Variants in COL4A6 observed in about 807,000 individuals in gnomAD.
COL4A6 encodes the protein collagen type IV alpha 6 chain, also known as collagen alpha-6(IV) chain.
In COL4A6, 59 loss-of-function variants were observed where a neutral mutation model predicts 126.7. The observed-to-expected ratio is 0.47, with a 90% CI of 0.38 to 0.58. The LOEUF (loss-of-function observed/expected upper bound fraction) is 0.58. Ranked by LOEUF, COL4A6 falls within the 20% of genes least tolerant of loss-of-function variation. The pLI is 0.00. For missense variants in COL4A6, 1,285 were observed against 1,337.3 expected, an observed-to-expected ratio of 0.96 and a Z score of 0.61; for synonymous variants, 547 against 496.6, an observed-to-expected ratio of 1.10 and a Z score of -1.35.
chrX:108,312,180 C>T (rs1373839060), intron 2 of COL4A6, among the ~76,000 whole-genome samples: 1 of 111,912 alleles, frequency 8.9e-6, no homozygotes, highest in Non-Finnish European at 1.9e-5. Flanking sequence ...ATGAGCTGAC[C>T]TCACACTTAA....
At chrX:108,390,680 T>C (rs745395944) in intron 2 of COL4A6, among the ~76,000 whole-genome samples, 9 of 110,520 alleles carry the variant, frequency 8.1e-5, no homozygotes, top group African/African-American at 2.6e-4. Context: ...AGAACATGCA[T>C]CTTTAGCTCG....
intron 3 of COL4A6, among the ~76,000 whole-genome samples, chrX:108,273,689 G>A (rs371275926): frequency 8.9e-6 from 1 of 112,006 alleles, no homozygotes; most frequent in South Asian, 3.7e-4. Context: ...TAGGGACATG[G>A]ATGAAGCTGG....
At chrX:108,172,717 C>T (rs2034353061) in intron 31 of COL4A6, among the ~76,000 whole-genome samples, 185 bp from the exon 32 acceptor site, 1 of 111,613 alleles carries the variant, frequency 9.0e-6, no homozygotes, top group African/African-American at 3.3e-5. Context: ...GAACAAAGGG[C>T]AGAGCACATA....
At chrX:108,368,714 T>C (rs2040258601) in intron 2 of COL4A6, among the ~76,000 whole-genome samples, 1 of 112,333 alleles carries the variant, frequency 8.9e-6, no homozygotes, top group African/African-American at 3.2e-5. Flanking sequence ...TATATTATTC[T>C]ATAAGTTTTT....
chrX:108,225,444 C>T (rs1252574871), intron 3 of COL4A6, among the ~76,000 whole-genome samples: 2 of 112,663 alleles, frequency 1.8e-5, no homozygotes, highest in African/African-American at 6.5e-5. Flanking sequence ...TCCTCCAAGT[C>T]TTTCCAATGA....
intron 9 of COL4A6, 127 bp from the exon 10 acceptor site, chrX:108,205,822 C>G (rs2035531178): frequency 1.8e-6 from 1 of 542,175 alleles, no homozygotes; most frequent in Non-Finnish European, 3.0e-6. Flanking sequence ...TAGATTCTAG[C>G]TGTCTTTCCT....
intron 5 of COL4A6, 31 bp from the exon 6 acceptor site, chrX:108,214,259 A>G (rs896462589): frequency 1.9e-6 from 2 of 1,049,483 alleles, no homozygotes; most frequent in African/African-American, 3.7e-5. Flanking sequence ...GGATCAAGTT[A>G]GCCAAAGGAC....
chrX:108,343,416 T>C (rs2039633403), intron 2 of COL4A6, among the ~76,000 whole-genome samples: 1 of 110,184 alleles, frequency 9.1e-6, no homozygotes. Context: ...TTTGGTTGGA[T>C]GGAATGTTTA....
intron 2 of COL4A6, among the ~76,000 whole-genome samples, chrX:108,333,586 GA>G (rs1025001326): frequency 3.6e-5 from 4 of 110,743 alleles, no homozygotes; most frequent in African/African-American, 1.3e-4. Flanking sequence ...GCAATAGAAG[GA>G]AAAAAAGGCA....
intron 3 of COL4A6, among the ~76,000 whole-genome samples, chrX:108,225,534 G>T (rs2036145867): frequency 8.9e-6 from 1 of 112,504 alleles, no homozygotes; most frequent in Non-Finnish European, 1.9e-5. Flanking sequence ...TGGGACTTGT[G>T]CTTAAGGCCA....
At chrX:108,159,855 C>T (rs767922171) in intron 43 of COL4A6, 107 bp from the exon 44 acceptor site, 1 of 834,519 alleles carries the variant, frequency 1.2e-6, no homozygotes, top group East Asian at 3.1e-5. Flanking sequence ...CTGAGGCAGC[C>T]CTCTCCTTCC....
intron 2 of COL4A6, among the ~76,000 whole-genome samples, chrX:108,403,666 G>T (rs2041143854): frequency 9.0e-6 from 1 of 110,798 alleles, no homozygotes; most frequent in Non-Finnish European, 1.9e-5. Flanking sequence ...GTCTCTTTTT[G>T]TTTGATAGCT....
At chrX:108,300,664 G>A (rs1424175590) in intron 3 of COL4A6, among the ~76,000 whole-genome samples, 1 of 107,781 alleles carries the variant, frequency 9.3e-6, no homozygotes, top group Non-Finnish European at 1.9e-5. Flanking sequence ...TCCATTTGAG[G>A]TTTCGTGATT....
At chrX:108,367,032 C>A (rs770232546) in intron 2 of COL4A6, among the ~76,000 whole-genome samples, 1 of 112,199 alleles carries the variant, frequency 8.9e-6, no homozygotes, top group South Asian at 3.7e-4. Flanking sequence ...TGAAGCTCTA[C>A]GGAACTCAGA....
At chrX:108,303,177 AG>A (rs1229762419) in intron 3 of COL4A6, among the ~76,000 whole-genome samples, 1 of 111,418 alleles carries the variant, frequency 9.0e-6, no homozygotes, top group African/African-American at 3.3e-5. Flanking sequence ...TAAGTGACAT[AG>A]GAAGCAATCC....
chrX:108,177,130 C>G, intron 27 of COL4A6, 119 bp from the exon 28 acceptor site: 2 of 631,346 alleles, frequency 3.2e-6, no homozygotes, highest in Middle Eastern at 5.0e-4. Flanking sequence ...GTAAATGGCC[C>G]TTTAACAATA....
intron 3 of COL4A6, among the ~76,000 whole-genome samples, chrX:108,273,989 C>T (rs112986572): frequency 4.9e-4 from 55 of 112,107 alleles, no homozygotes; most frequent in African/African-American, 1.7e-3. Flanking sequence ...TTTCCATGAA[C>T]TTAGCAGCTT....
intron 2 of COL4A6, 139 bp from the exon 3 acceptor site, chrX:108,310,967 G>T: frequency 2.1e-6 from 1 of 485,097 alleles, no homozygotes. Context: ...GTAGTCAAAT[G>T]AAATAAAAAC....
At chrX:108,179,018 C>T (rs757734225) in intron 26 of COL4A6, among the ~76,000 whole-genome samples, 173 bp from the exon 27 acceptor site, 1 of 112,217 alleles carries the variant, frequency 8.9e-6, no homozygotes, top group Non-Finnish European at 1.9e-5. Context: ...GTTATGGTCA[C>T]TTTTGGAATT....
Sources: gnomAD v4.1 joint callset for allele counts (sites outside exome capture counted in the v4.1 genomes callset) on GRCh38, gnomAD v4.1.1 for gene constraint, MANE v1.5 for transcripts, NCBI Gene and HGNC (gene_info 2026-07-23, HGNC 2026-07-21) for gene names.